Variants in SPATA13 observed in about 807,000 individuals in gnomAD.
SPATA13 encodes the protein spermatogenesis-associated protein 13.
SPATA13 carries 50 observed loss-of-function variants against 104.0 expected under a neutral mutation model. The ratio of observed to expected loss-of-function variants is 0.48; its 90% CI spans 0.38 to 0.61. The LOEUF is 0.61. Ranked by LOEUF, SPATA13 falls within the 20% of genes least tolerant of loss-of-function variation. The pLI is 0.00. For synonymous variants in SPATA13, 606 were observed against 667.5 expected (o/e 0.91, Z 1.42); for missense variants, 1,524 against 1,690.6 (o/e 0.90, Z 1.73).
intron 1 of SPATA13, among the ~76,000 whole-genome samples, chr13:23,980,808 T>C (rs1169797161): frequency 6.6e-6 from 1 of 152,142 alleles, no homozygotes; most frequent in Non-Finnish European, 1.5e-5. Flanking sequence ...GCCAGGCTGG[T>C]CTCAAACTCC....
chr13:24,036,588 G>A (rs576167481), intron 3 of SPATA13, among the ~76,000 whole-genome samples: 1 of 152,044 alleles, frequency 6.6e-6, no homozygotes, highest in African/African-American at 2.4e-5. Flanking sequence ...GAGACACCCA[G>A]GGACGAGATC....
chr13:24,167,630 G>A (rs1431141277), intron 1 of SPATA13, among the ~76,000 whole-genome samples: 1 of 152,124 alleles, frequency 6.6e-6, no homozygotes, highest in Admixed American at 6.5e-5. Context: ...CTAGGATTTT[G>A]TACCTTCTCC....
In SPATA13 at chr13:24,163,162, C is replaced by T. The variant is rs191409118; in HGVS notation, c.-112+2230C>T. On this transcript the variant is annotated intron_variant, in intron 1 of 12. Transcript: ENST00000382108. The stretch of plus-strand genomic sequence containing the variant: ...CTGTAATCCCAGCACTTTGGGAGGC[C>T]GAGGTAGGAGGATTGCTTGAGCCCA... Among the ~76,000 whole-genome samples, 441 of 152,136 alleles carry T rather than the reference C, an allele frequency of 2.9e-3. 2 individuals carry two copies. Among genetic ancestry groups the T allele is most frequent in the Non-Finnish European group, 4.1e-3 (282 of 67,980 alleles).
At chr13:24,063,176 G>A (rs1005660794) in intron 3 of SPATA13, among the ~76,000 whole-genome samples, 7 of 152,072 alleles carry the variant, frequency 4.6e-5, no homozygotes, top group Non-Finnish European at 8.8e-5. Context: ...CCACGTGAGG[G>A]TGAGCTCCAC....
intron 2 of SPATA13, among the ~76,000 whole-genome samples, chr13:23,996,728 AT>A (rs1346857768): frequency 1.2e-4 from 18 of 152,350 alleles, no homozygotes; most frequent in African/African-American, 4.3e-4. Flanking sequence ...CAAACTTAAA[AT>A]ATGTGAGGAG....
chr13:24,115,240 G>A (rs1213273342), intron 3 of SPATA13, among the ~76,000 whole-genome samples: 2 of 152,224 alleles, frequency 1.3e-5, no homozygotes, highest in South Asian at 2.1e-4. Context: ...TCTCACAGCA[G>A]CAGTCATGGC....
At chr13:24,122,538 G>A in intron 3 of SPATA13, 1 of 1,586,240 alleles carries the variant, frequency 6.3e-7, no homozygotes, top group Non-Finnish European at 8.7e-7. Flanking sequence ...CCTCTGGTCA[G>A]TGCCACGCCC....
Position 24,303,318 on chromosome 13 carries a change from T to G in SPATA13, c.*545T>G. The G allele has an allele frequency of 3.0e-6, 1 of 333,684 alleles. No homozygotes were observed. 20.7% of individuals were successfully genotyped at this position (333,684 alleles called of 1,614,324 possible). On this transcript the variant is annotated 3_prime_UTR_variant, in exon 13 of 13. Transcript: ENST00000382108. Reference sequence around the variant, plus strand: ...AGCTGCCGTGGGGCTGACCACGGTGTTCCCTGGCATCGTCTGTGTCCACAC... The same window carrying G: ...AGCTGCCGTGGGGCTGACCACGGTGGTCCCTGGCATCGTCTGTGTCCACAC...
intron 12 of SPATA13, 148 bp from the exon 13 acceptor site, chr13:24,302,450 A>C (rs1593521504): frequency 3.6e-6 from 2 of 560,840 alleles, no homozygotes; most frequent in Non-Finnish European, 5.7e-6. Flanking sequence ...TGACAGTAAG[A>C]CCCTGTCTCA....
chr13:24,045,770 G>T (rs989175041), intron 3 of SPATA13, among the ~76,000 whole-genome samples: 4 of 148,478 alleles, frequency 2.7e-5, no homozygotes, highest in African/African-American at 1.0e-4. Flanking sequence ...CTGAGCCACA[G>T]GGTTGCTGGG....
chr13:24,112,595 G>C (rs1011487107), intron 3 of SPATA13, among the ~76,000 whole-genome samples: 2 of 152,056 alleles, frequency 1.3e-5, no homozygotes, highest in African/African-American at 4.8e-5. Context: ...ATGTTTGTTG[G>C]ATAAATGAAC....
At chr13:24,040,523 G>A (rs1016396685) in intron 3 of SPATA13, among the ~76,000 whole-genome samples, 1 of 152,186 alleles carries the variant, frequency 6.6e-6, no homozygotes, top group African/African-American at 2.4e-5. Context: ...GGTTGGAGAG[G>A]AGGCTACCAC....
At chr13:24,142,669 T>C (rs995791250) in intron 3 of SPATA13, among the ~76,000 whole-genome samples, 1 of 152,162 alleles carries the variant, frequency 6.6e-6, no homozygotes, top group Non-Finnish European at 1.5e-5. Context: ...CTCTTCCTCA[T>C]CCTTCTTCCT....
At chr13:24,041,650 T>C (rs546679251) in intron 3 of SPATA13, among the ~76,000 whole-genome samples, 1 of 152,072 alleles carries the variant, frequency 6.6e-6, no homozygotes, top group Non-Finnish European at 1.5e-5. Context: ...AGTGGGAAAA[T>C]ATCTATCAGA....
chr13:24,292,258 A>AT (rs1876444161), intron 9 of SPATA13, among the ~76,000 whole-genome samples: 3 of 152,184 alleles, frequency 2.0e-5, no homozygotes. Context: ...GTGCATGCCC[A>AT]TTTTCCATGC....
intron 3 of SPATA13, among the ~76,000 whole-genome samples, chr13:24,044,891 G>GT (rs1253577413): frequency 7.6e-5 from 11 of 144,922 alleles, no homozygotes; most frequent in African/African-American, 2.5e-4. Flanking sequence ...AGAGGAGGGG[G>GT]TGGGGGTGGG....
intron 2 of SPATA13, among the ~76,000 whole-genome samples, chr13:24,227,315 C>A (rs1017669945): frequency 6.6e-6 from 1 of 152,040 alleles, no homozygotes; most frequent in Non-Finnish European, 1.5e-5. Flanking sequence ...TTCCTGAGAA[C>A]CTGTTAAGTG....
intron 3 of SPATA13, among the ~76,000 whole-genome samples, chr13:24,114,356 C>T (rs533015722): frequency 1.3e-5 from 2 of 152,178 alleles, no homozygotes; most frequent in Non-Finnish European, 2.9e-5. Flanking sequence ...TCAGTGTGCA[C>T]GTGTGTGCCT....
intron 3 of SPATA13, among the ~76,000 whole-genome samples, chr13:24,137,740 G>A (rs1264531541): frequency 1.3e-5 from 2 of 152,282 alleles, no homozygotes; most frequent in East Asian, 3.9e-4. Context: ...GCCTGGGAGT[G>A]ACTTCAACAG....
Sources: allele counts gnomAD v4.1 joint callset (sites outside exome capture counted in the v4.1 genomes callset), GRCh38; gene constraint gnomAD v4.1.1; transcripts MANE v1.5; gene names NCBI Gene and HGNC (gene_info 2026-07-23, HGNC 2026-07-21).